Variants in PRDM16 observed in about 807,000 individuals in gnomAD.
The protein encoded by PRDM16 is histone-lysine N-methyltransferase PRDM16.
In PRDM16, 23 loss-of-function variants were observed where a neutral mutation model predicts 110.6. The observed-to-expected ratio is 0.21, with a 90% CI of 0.15 to 0.29. PRDM16 has a LOEUF of 0.29. PRDM16 is among the 10% of genes least tolerant of loss of function. The probability of loss-of-function intolerance (pLI) is 1.00; values close to 1 mark genes in which losing one functional copy is unlikely to be tolerated. For synonymous variants in PRDM16, 799 were observed against 781.8 expected, an observed-to-expected ratio of 1.02 and a Z score of -0.37; for missense variants, 1,615 against 1,794.3, an observed-to-expected ratio of 0.90 and a Z score of 1.81.
intron 3 of PRDM16, among the ~76,000 whole-genome samples, chr1:3,318,032 G>C (rs1641652001): frequency 6.6e-6 from 1 of 152,186 alleles, no homozygotes; most frequent in African/African-American, 2.4e-5. Context: ...ACCCACGGCG[G>C]CTCCGAGGCC....
At chr1:3,099,856 G>A (rs1244204754) in intron 1 of PRDM16, among the ~76,000 whole-genome samples, 4 of 152,122 alleles carry the variant, frequency 2.6e-5, no homozygotes, top group Admixed American at 6.5e-5. Flanking sequence ...GTGAGATGGC[G>A]CCCCCTCCTT....
chr1:3,198,736 C>T (rs957647275), intron 2 of PRDM16, among the ~76,000 whole-genome samples: 26 of 152,312 alleles, frequency 1.7e-4, no homozygotes, highest in African/African-American at 5.1e-4. Flanking sequence ...ACCAGCCGCA[C>T]GCAGGCTGCG....
intron 1 of PRDM16, among the ~76,000 whole-genome samples, chr1:3,083,517 TGAAGAGG>T (rs1424217288): frequency 1.3e-5 from 2 of 151,594 alleles, no homozygotes; most frequent in Non-Finnish European, 2.9e-5. Flanking sequence ...ATCATTTCTG[TGAAGAGG>T]CGAACCAAGG....
At chr1:3,073,990 C>T (rs1348811152) in intron 1 of PRDM16, among the ~76,000 whole-genome samples, 1 of 152,268 alleles carries the variant, frequency 6.6e-6, no homozygotes, top group Non-Finnish European at 1.5e-5. Context: ...CCCCGAGAGA[C>T]GCGGGAGCGC....
intron 3 of PRDM16, among the ~76,000 whole-genome samples, chr1:3,247,520 A>AC (rs1639814751): frequency 6.6e-6 from 1 of 152,008 alleles, no homozygotes; most frequent in Admixed American, 6.5e-5. Flanking sequence ...CCCCGCCCCC[A>AC]CCCCAGGAGG....
intron 3 of PRDM16, among the ~76,000 whole-genome samples, chr1:3,374,085 C>T (rs1642953160): frequency 6.6e-6 from 1 of 152,214 alleles, no homozygotes; most frequent in Non-Finnish European, 1.5e-5. Context: ...TGTGGTATAT[C>T]GGCCAGCACG....
chr1:3,227,456 A>G (rs564121195), intron 2 of PRDM16, among the ~76,000 whole-genome samples: 7 of 152,366 alleles, frequency 4.6e-5, no homozygotes, highest in African/African-American at 1.4e-4. Flanking sequence ...AAAATTGGGT[A>G]AAAAGATTGC....
chr1:3,242,672 T>G (rs1435548931), intron 2 of PRDM16, among the ~76,000 whole-genome samples: 2 of 152,240 alleles, frequency 1.3e-5, no homozygotes, highest in East Asian at 3.9e-4. Flanking sequence ...GCGATGGGGC[T>G]GGGCCCCACT....
chr1:3,320,488 C>T (rs1426974162), intron 3 of PRDM16, among the ~76,000 whole-genome samples: 1 of 152,200 alleles, frequency 6.6e-6, no homozygotes, highest in Non-Finnish European at 1.5e-5. Context: ...TGCTGGCTGC[C>T]TCCCGGGTTC....
At chr1:3,419,923 C>G (rs1166040812) in intron 12 of PRDM16, among the ~76,000 whole-genome samples, 1 of 151,506 alleles carries the variant, frequency 6.6e-6, no homozygotes, top group Admixed American at 6.6e-5. Context: ...ATTCACAGGC[C>G]CCCCCTTACC....
rs1225298342 is a variant in PRDM16, at chr1:3,148,748, G to T, written c.38-37377G>T. On this transcript the variant is annotated intron_variant, in intron 1 of 16. Transcript: ENST00000270722. This position sits in a 1 kb window ranked among gnomAD's most constrained non-coding sequence, Gnocchi z 5.0. ...GAATCTGGGCACTGCCTGGGACCAT[G>T]GGGGGACCACAATATCTCTCTAAAA... 6.6e-6 allele frequency among the ~76,000 whole-genome samples: 1 copy of T among 152,228 alleles called. No homozygotes were observed. The highest frequency in any genetic ancestry group is 2.4e-5 in the African/African-American group (1 of 41,460).
chr1:3,240,061 G>A (rs984689387), intron 2 of PRDM16, among the ~76,000 whole-genome samples: 15 of 11,480 alleles, frequency 1.3e-3, no homozygotes, highest in Admixed American at 5.2e-3. Flanking sequence ...AGGAGAAGAG[G>A]AGAGGAGAGG....
chr1:3,266,790 C>T (rs947856134), intron 3 of PRDM16, among the ~76,000 whole-genome samples: 2 of 152,230 alleles, frequency 1.3e-5, no homozygotes, highest in Non-Finnish European at 2.9e-5. Flanking sequence ...ATTCTCTTGC[C>T]TCAGCCTCCT....
chr1:3,094,740 C>G (rs959040307), intron 1 of PRDM16, among the ~76,000 whole-genome samples: 3 of 152,226 alleles, frequency 2.0e-5, no homozygotes, highest in Non-Finnish European at 4.4e-5. Context: ...GTGGCTGCGC[C>G]GTTCCTGCTT....
At chr1:3,266,586 C>T (rs1300544035) in intron 3 of PRDM16, among the ~76,000 whole-genome samples, 2 of 152,218 alleles carry the variant, frequency 1.3e-5, no homozygotes, top group African/African-American at 4.8e-5. Flanking sequence ...ATCTCAGACC[C>T]GCTTGTCTCG....
chr1:3,334,936 C>T (rs1557616599), intron 3 of PRDM16, among the ~76,000 whole-genome samples: 1 of 152,208 alleles, frequency 6.6e-6, no homozygotes, highest in Admixed American at 6.5e-5. Flanking sequence ...GAGGGCCATC[C>T]ACGCGTCCAA....
chr1:3,157,135 C>T lies in PRDM16; in HGVS notation c.38-28990C>T, dbSNP rs1192050177. ...CAGGGCAGGGAGTGTTAGCACCTGC[C>T]GGGCTCAGCCTGGGCGGCTCAGAGG... On this transcript the variant is annotated intron_variant, in intron 1 of 16. Transcript: ENST00000270722. This position sits in a 1 kb window ranked among gnomAD's most constrained non-coding sequence, Gnocchi z 4.8. Among the ~76,000 whole-genome samples the T allele has an allele frequency of 6.6e-6, 1 of 152,144 alleles. No homozygotes were observed. Among genetic ancestry groups the T allele is most frequent in the East Asian group, 1.9e-4 (1 of 5,172 alleles).
At chr1:3,146,946 T>TG (rs200094642) in intron 1 of PRDM16, among the ~76,000 whole-genome samples, 2 of 64,820 alleles carry the variant, frequency 3.1e-5, no homozygotes, top group African/African-American at 6.2e-5. Flanking sequence ...GTGCTCAGTG[T>TG]GGGGGGTATG....
intron 10 of PRDM16, among the ~76,000 whole-genome samples, chr1:3,415,209 C>T (rs1407803971): frequency 1.3e-5 from 2 of 152,204 alleles, no homozygotes; most frequent in Non-Finnish European, 2.9e-5. Flanking sequence ...CTCCTGCCTG[C>T]CCCTGAGGCC....
Sources: allele counts gnomAD v4.1 joint callset (sites outside exome capture counted in the v4.1 genomes callset), GRCh38; gene constraint gnomAD v4.1.1; non-coding constraint Gnocchi (gnomAD v3.1); transcripts MANE v1.5; gene names NCBI Gene and HGNC (gene_info 2026-07-23, HGNC 2026-07-21).